RIN2: variants seen among roughly 807,000 people sequenced by gnomAD.
The protein encoded by RIN2 is RAB5 interacting protein 2.
RIN2 carries 36 observed loss-of-function variants against 78.0 expected under a neutral mutation model. That is an observed-to-expected ratio of 0.46 (90% confidence interval 0.35 to 0.61). The LOEUF (loss-of-function observed/expected upper bound fraction) is 0.61, where lower values mean the gene tolerates loss of function less well. RIN2 is among the 20% of genes least tolerant of loss of function. The pLI is 0.00. For missense variants in RIN2, 1,087 were observed against 1,159.7 expected (o/e 0.94, Z 0.91); for synonymous variants, 466 against 466.8 (o/e 1.00, Z 0.02).
intron 2 of RIN2, among the ~76,000 whole-genome samples, chr20:19,805,314 C>A (rs1248823507): frequency 6.6e-6 from 1 of 152,210 alleles, no homozygotes; most frequent in African/African-American, 2.4e-5. Flanking sequence ...TCAATCCCAC[C>A]ATCACTGCGA....
intron 4 of RIN2, among the ~76,000 whole-genome samples, chr20:19,941,515 G>C (rs374450943): frequency 1.1e-4 from 16 of 152,222 alleles, no homozygotes; most frequent in East Asian, 3.9e-4. Flanking sequence ...GCACAAATAA[G>C]TATCCAGCTA....
chr20:19,818,197 AT>A (rs11474909), intron 2 of RIN2, among the ~76,000 whole-genome samples: 43,911 of 151,916 alleles, frequency 0.29, 6,789 homozygotes, highest in African/African-American at 0.41. Context: ...GGTATAAAAG[AT>A]TTTTTTTTAA....
rs61328325 is a variant in RIN2, at chr20:19,942,118, A to AAAAAAAAAAAAAAG, written c.158+6923_158+6924insAAAAAAAAAGAAAA. ...GAGTGAGACTCTATCTCAAAAAAAAAAAAAGAAAGAGAAAGTATTTATTCA... is the reference window on the plus strand; with the variant it reads ...GAGTGAGACTCTATCTCAAAAAAAAAAAAAAAAAAAAAAGAAAAGAAAGAGAAAGTATTTATTCA... On this transcript the variant is annotated intron_variant, in intron 4 of 12. Coordinates refer to ENST00000255006, the MANE Select transcript of RIN2 (RefSeq NM_018993.4). Among the ~76,000 whole-genome samples the AAAAAAAAAAAAAAG allele has an allele frequency of 4.2e-5, 6 of 143,000 alleles. 1 individual carries two copies. The highest frequency in any genetic ancestry group is 1.6e-4 in the African/African-American group (6 of 36,374). 93.8% of individuals were successfully genotyped at this position (143,000 alleles called of 152,430 possible). A position where few individuals can be genotyped will look rare whatever the true frequency, so the allele number is the denominator to read the frequency against.
chr20:19,996,533 G>A (rs1460117923), intron 11 of RIN2, 146 bp from the exon 12 acceptor site: 2 of 752,300 alleles, frequency 2.7e-6, no homozygotes, highest in Non-Finnish European at 4.4e-6. Context: ...CATGCTCTTG[G>A]GTGTGTGCTT....
chr20:19,919,025 G>C (rs538537391), intron 3 of RIN2, among the ~76,000 whole-genome samples: 1 of 152,206 alleles, frequency 6.6e-6, no homozygotes, highest in Admixed American at 6.5e-5. Context: ...GGAAGGCCCC[G>C]CAGTGAATTG....
intron 2 of RIN2, among the ~76,000 whole-genome samples, chr20:19,862,989 T>C (rs531061336): frequency 3.0e-4 from 45 of 152,330 alleles, no homozygotes; most frequent in African/African-American, 1.0e-3. Flanking sequence ...CATCATCTAC[T>C]TTTCTCTCTT....
chr20:19,967,678 T>C (rs1196970261), intron 7 of RIN2, among the ~76,000 whole-genome samples: 1 of 152,168 alleles, frequency 6.6e-6, no homozygotes, highest in African/African-American at 2.4e-5. Flanking sequence ...ATCAGTGTAG[T>C]AGTGAGAGTA....
In RIN2 at chr20:20,001,127, G is replaced by A; in HGVS notation, c.*191G>A. ...CAAGGTAGCTGAGGTTTGTGAAACA[G>A]TAGGATTCTCTTTTGGCAATGGAGA... On this transcript the variant is annotated 3_prime_UTR_variant, in exon 13 of 13. Coordinates refer to ENST00000255006, the MANE Select transcript of RIN2 (RefSeq NM_018993.4). 1 of 573,138 alleles carries A rather than the reference G, an allele frequency of 1.7e-6. No homozygotes were observed. Among genetic ancestry groups the A allele is most frequent in the Non-Finnish European group, 3.1e-6 (1 of 323,532 alleles). The allele number at this position is 573,138 out of a possible 1,614,324, so 35.5% of individuals were successfully genotyped here.
chr20:19,912,866 A>G (rs544839), intron 3 of RIN2, among the ~76,000 whole-genome samples: 88,598 of 152,066 alleles, frequency 0.58, 27,136 homozygotes, highest in East Asian at 0.96. Context: ...GGAAATGGAA[A>G]ACCCCGGGGT....
intron 2 of RIN2, among the ~76,000 whole-genome samples, chr20:19,866,920 T>C (rs983142004): frequency 1.3e-5 from 2 of 152,160 alleles, no homozygotes; most frequent in African/African-American, 4.8e-5. Flanking sequence ...CCACCATACC[T>C]GGCCAGATTA....
chr20:19,859,841 C>A (rs2123268508), intron 2 of RIN2, among the ~76,000 whole-genome samples: 1 of 152,288 alleles, frequency 6.6e-6, no homozygotes, highest in East Asian at 1.9e-4. Flanking sequence ...AGTCATCAAG[C>A]CCAAAACTTG....
chr20:19,939,100 G>A (rs955198154), intron 4 of RIN2, among the ~76,000 whole-genome samples: 4 of 152,214 alleles, frequency 2.6e-5, no homozygotes, highest in African/African-American at 4.8e-5. Context: ...CTGGAGTGCA[G>A]TGGTGACACG....
At chr20:19,889,542 C>T (rs890690996) in intron 2 of RIN2, 24 bp from the exon 3 acceptor site, 1 of 1,541,514 alleles carries the variant, frequency 6.5e-7, no homozygotes, top group Non-Finnish European at 8.8e-7. Flanking sequence ...CTGGACTAAC[C>T]ATTAAAAATG....
rs372608748 is a variant in RIN2 at position 19,841,723 on chromosome 20, CTG to C, written c.-37+41979_-37+41980del. 3.9e-5 allele frequency among the ~76,000 whole-genome samples: 6 copies of C among 152,294 alleles called. No homozygotes were observed. In the South Asian group the frequency reaches 6.2e-4, roughly 16 times the overall value. On this transcript the variant is annotated intron_variant, in intron 2 of 12. Coordinates refer to ENST00000255006, the MANE Select transcript of RIN2 (RefSeq NM_018993.4). ...AGGCAGAACTGCCCTTGTACCTACT[CTG>C]TGCAGGTCCTGCTGGGGAGCTTTGT...
chr20:19,930,856 G>A (rs1033824524), intron 3 of RIN2, among the ~76,000 whole-genome samples: 10 of 152,132 alleles, frequency 6.6e-5, no homozygotes, highest in South Asian at 4.2e-4. Context: ...CTAAAATTTT[G>A]TTTACAAAGT....
intron 2 of RIN2, among the ~76,000 whole-genome samples, chr20:19,826,674 C>A (rs1388290672): frequency 3.9e-5 from 6 of 152,176 alleles, no homozygotes; most frequent in Admixed American, 6.5e-5. Context: ...ATTAGCTTAA[C>A]CTCTGTTCAA....
At chr20:19,787,583 C>T (rs2034725000) in intron 1 of RIN2, among the ~76,000 whole-genome samples, 1 of 152,068 alleles carries the variant, frequency 6.6e-6, no homozygotes, top group Non-Finnish European at 1.5e-5. Context: ...GGCTGTGTGA[C>T]CACAGGCAAG....
chr20:19,971,069 C>T (rs143006272), intron 8 of RIN2, 140 bp downstream of exon 8: 46 of 642,978 alleles, frequency 7.2e-5, no homozygotes, highest in Middle Eastern at 3.0e-4. Flanking sequence ...AAAATGTTGA[C>T]GTCCTCTTGT....
At chr20:19,995,740 A>G (rs1568724527) in intron 11 of RIN2, among the ~76,000 whole-genome samples, 1 of 152,208 alleles carries the variant, frequency 6.6e-6, no homozygotes, top group Non-Finnish European at 1.5e-5. Context: ...AAGTGTCCAC[A>G]TTTTTGCGAA....
Sources: gnomAD v4.1 joint callset for allele counts (sites outside exome capture counted in the v4.1 genomes callset) on GRCh38, gnomAD v4.1.1 for gene constraint, MANE v1.5 for transcripts, NCBI Gene and HGNC (gene_info 2026-07-23, HGNC 2026-07-21) for gene names.